Variants in PLXNC1 observed in about 807,000 individuals in gnomAD.
PLXNC1 encodes plexin-C1.
A neutral mutation model predicts 178.2 loss-of-function variants in PLXNC1; 75 were observed. The observed-to-expected ratio is 0.42, with a 90% CI of 0.35 to 0.51. The LOEUF (loss-of-function observed/expected upper bound fraction) is 0.51. Among genes scored for constraint, PLXNC1 ranks in the 20% least tolerant of loss-of-function variants. PLXNC1 has a pLI of 0.02. For synonymous variants in PLXNC1, 790 were observed against 779.9 expected, an observed-to-expected ratio of 1.01 and a Z score of -0.22; for missense variants, 1,503 against 1,984.4, an observed-to-expected ratio of 0.76 and a Z score of 4.61.
chr12:94,251,653 A>G, intron 15 of PLXNC1, 125 bp downstream of exon 15: 3 of 683,490 alleles, frequency 4.4e-6, no homozygotes, highest in South Asian at 3.3e-5. Flanking sequence ...GCCCAAATCA[A>G]AACTTTGAGA....
intron 5 of PLXNC1, among the ~76,000 whole-genome samples, chr12:94,219,225 T>A (rs1432075243): frequency 6.6e-6 from 1 of 152,200 alleles, no homozygotes; most frequent in African/African-American, 2.4e-5. Flanking sequence ...GGCATTGGAA[T>A]AGAAGTAGAT....
Position 94,184,110 on chromosome 12 carries a change from CCT to C in PLXNC1, c.1339-2248_1339-2247del, listed in dbSNP as rs201618796. Among the ~76,000 whole-genome samples the C allele has an allele frequency of 1.6e-3, 226 of 145,774 alleles. 1 individual carries two copies. Among genetic ancestry groups the C allele is most frequent in the Non-Finnish European group, 1.7e-3 (114 of 66,520 alleles). On this transcript the variant is annotated intron_variant, in intron 3 of 30. Coordinates refer to ENST00000258526, the MANE Select transcript of PLXNC1 (RefSeq NM_005761.3). Reference sequence around the variant, plus strand: ...AGGTCTAATGTAGTATTTTTAGTGTCCTCTCTCTCTCTCTCTTTTTTTTTTTT... The same window carrying C: ...AGGTCTAATGTAGTATTTTTAGTGTCCTCTCTCTCTCTCTTTTTTTTTTTT...
At chr12:94,240,362 G>A (rs746706885) in intron 10 of PLXNC1, 123 bp from the exon 11 acceptor site, 34 of 715,512 alleles carry the variant, frequency 4.8e-5, no homozygotes, top group Middle Eastern at 3.6e-4. Context: ...GTAGTTGCCT[G>A]CAGCTGTTCT....
At chr12:94,234,211 A>T (rs1964181951) in intron 9 of PLXNC1, among the ~76,000 whole-genome samples, 2 of 152,096 alleles carry the variant, frequency 1.3e-5, no homozygotes, top group African/African-American at 4.8e-5. Context: ...ACCTCTTTCC[A>T]ATATTCTTTT....
intron 4 of PLXNC1, among the ~76,000 whole-genome samples, chr12:94,193,772 C>T (rs1383896872): frequency 6.6e-6 from 1 of 152,138 alleles, no homozygotes; most frequent in Non-Finnish European, 1.5e-5. Flanking sequence ...GTGCAGGCAT[C>T]TGGCTGGGGT....
At position 94,260,180 on chromosome 12, in the gene PLXNC1, A is replaced by G. The variant is rs542215144; in HGVS notation, c.3251+446A>G. Among the ~76,000 whole-genome samples the G allele has an allele frequency of 3.4e-4, 52 of 152,086 alleles. No individual in the cohort carries two copies. The highest frequency in any genetic ancestry group is 1.2e-3 in the African/African-American group (51 of 41,502). On this transcript the variant is annotated intron_variant, in intron 19 of 30. Coordinates refer to ENST00000258526, the MANE Select transcript of PLXNC1 (RefSeq NM_005761.3). The surrounding 1 kb of genome is among the most constrained non-coding windows in gnomAD (Gnocchi z 4.4). ...CTACCCTCCTGCCTCAGCCTCCCCA[A>G]GTAGCTGGAACTACAGGTGCATGCC...
chr12:94,197,330 C>T (rs1962951685), intron 4 of PLXNC1, among the ~76,000 whole-genome samples: 1 of 152,070 alleles, frequency 6.6e-6, no homozygotes, highest in Admixed American at 6.6e-5. Context: ...AGGACTCTGT[C>T]CTCATGAATG....
chr12:94,270,036 T>C (rs1965479332), intron 21 of PLXNC1, among the ~76,000 whole-genome samples: 1 of 152,260 alleles, frequency 6.6e-6, no homozygotes, highest in Non-Finnish European at 1.5e-5. Flanking sequence ...TATTTACTTT[T>C]TTTCTTTATA....
intron 11 of PLXNC1, among the ~76,000 whole-genome samples, chr12:94,242,116 A>T (rs1336488785): frequency 6.6e-6 from 1 of 152,092 alleles, no homozygotes; most frequent in Non-Finnish European, 1.5e-5. Flanking sequence ...TAGGGTGGAC[A>T]TAAAGTGCCA....
chr12:94,266,164 A>G (rs887558059), intron 21 of PLXNC1, among the ~76,000 whole-genome samples: 3 of 152,170 alleles, frequency 2.0e-5, no homozygotes, highest in Admixed American at 6.5e-5. Context: ...TCATCTGGGA[A>G]GAATTCATTC....
rs188125743 is a variant in PLXNC1 at position 94,256,574 on chromosome 12, A to G, written c.3087+1278A>G. On this transcript the variant is annotated intron_variant, in intron 17 of 30. Coordinates refer to ENST00000258526, the MANE Select transcript of PLXNC1 (RefSeq NM_005761.3). Reference sequence around the variant, plus strand: ...AAGGAATTCGATTCCCCGAATCAGGATGACTGTGTGGGGCTTCTGCAAAGG... The same window carrying G: ...AAGGAATTCGATTCCCCGAATCAGGGTGACTGTGTGGGGCTTCTGCAAAGG... Among the ~76,000 whole-genome samples the G allele has an allele frequency of 4.1e-4, 63 of 152,200 alleles. 2 individuals carry two copies. In the East Asian group the frequency reaches 0.012, roughly 29 times the overall value.
chr12:94,210,227 T>A (rs1162207701), intron 5 of PLXNC1, among the ~76,000 whole-genome samples: 1 of 152,194 alleles, frequency 6.6e-6, no homozygotes, highest in Non-Finnish European at 1.5e-5. Flanking sequence ...CCATTGCAAG[T>A]GAGGTCCTTT....
Position 94,255,279 on chromosome 12 carries a change from A to C in PLXNC1, c.3070A>C (p.Arg1024=). 6.2e-7 allele frequency: 1 copy of C among 1,608,904 alleles called. No individual in the cohort carries two copies. Among genetic ancestry groups the C allele is most frequent in the East Asian group, 2.2e-5 (1 of 44,850 alleles). The change falls in exon 17 of 31, where the codon AGA becomes CGA. Residue 1024 remains arginine, a synonymous_variant. Coordinates refer to ENST00000258526, the MANE Select transcript of PLXNC1 (RefSeq NM_005761.3). ...CCTTGACTACAAACATTTTGCTCTG[A>C]GAACTTTCTTCCCTGAGGTAAAAGA... ...PFLDYKHFAL[R]TFFPESGGFT... is the part of the protein sequence containing the mutation.
chr12:94,250,834 C>G (rs919379680), intron 14 of PLXNC1, among the ~76,000 whole-genome samples: 3 of 152,068 alleles, frequency 2.0e-5, no homozygotes, highest in African/African-American at 7.2e-5. Context: ...GACTGGGCAA[C>G]ATAGTGAGAC....
At chr12:94,303,633 G>T in intron 28 of PLXNC1, 123 bp from the exon 29 acceptor site, 1 of 750,854 alleles carries the variant, frequency 1.3e-6, no homozygotes, top group Non-Finnish European at 2.0e-6. Flanking sequence ...TTGTTAGCAA[G>T]AGGTAAAACT....
intron 2 of PLXNC1, chr12:94,176,554 A>G (rs1274231294): frequency 6.6e-6 from 1 of 152,210 alleles, no homozygotes; most frequent in Non-Finnish European, 1.5e-5. Flanking sequence ...AAGAAAAACA[A>G]TTTGACTCAC....
intron 4 of PLXNC1, among the ~76,000 whole-genome samples, chr12:94,200,161 T>C (rs1963068784): frequency 6.6e-6 from 1 of 152,244 alleles, no homozygotes. Flanking sequence ...GCTACTTACC[T>C]GCACCATCTC....
chr12:94,272,894 T>G (rs913975885), intron 21 of PLXNC1, among the ~76,000 whole-genome samples: 4 of 152,208 alleles, frequency 2.6e-5, no homozygotes, highest in African/African-American at 9.6e-5. Context: ...AGATCGCCTA[T>G]GTCCAGCCTG....
chr12:94,186,732 A>C (rs1962524476), intron 4 of PLXNC1: 2 of 382,098 alleles, frequency 5.2e-6, no homozygotes, highest in African/African-American at 4.0e-5. Context: ...AGAACGGGAG[A>C]GAGCAGGCAG....
Sources: allele counts gnomAD v4.1 joint callset (sites outside exome capture counted in the v4.1 genomes callset), GRCh38; gene constraint gnomAD v4.1.1; non-coding constraint Gnocchi (gnomAD v3.1); transcripts MANE v1.5; gene names NCBI Gene and HGNC (gene_info 2026-07-23, HGNC 2026-07-21).